The following PATJ variants were observed in gnomAD, a reference collection of about 807,000 sequenced individuals.
PATJ encodes inaD-like protein.
In PATJ, 190 loss-of-function variants were observed where a neutral mutation model predicts 224.9. The ratio of observed to expected loss-of-function variants is 0.84; its 90% CI spans 0.75 to 0.95. PATJ has a LOEUF of 0.95. Ranked by LOEUF, PATJ falls within the 40% of genes least tolerant of loss-of-function variation. The pLI, the probability that PATJ is intolerant of heterozygous loss-of-function variation, is 0.00. For missense variants in PATJ, 2,121 were observed against 2,270.3 expected (o/e 0.93, Z 1.34); for synonymous variants, 769 against 820.3 (o/e 0.94, Z 1.07).
At chr1:61,911,695 T>TTATATATATATATATATATA (rs141530445) in intron 25 of PATJ, among the ~76,000 whole-genome samples, 3 of 140,614 alleles carry the variant, frequency 2.1e-5, no homozygotes, top group African/African-American at 7.8e-5. Context: ...CTATATATTT[T>TTATATATATATATATATATA]TATATATATA....
chr1:61,955,376 C>T (rs1680300055), intron 27 of PATJ, among the ~76,000 whole-genome samples: 1 of 152,090 alleles, frequency 6.6e-6, no homozygotes, highest in African/African-American at 2.4e-5. Flanking sequence ...GAGACACATG[C>T]ACTGGAAGGC....
chr1:62,102,227 A>T (rs1314631288), intron 33 of PATJ, among the ~76,000 whole-genome samples: 1 of 151,644 alleles, frequency 6.6e-6, no homozygotes, highest in Non-Finnish European at 1.5e-5. Flanking sequence ...TTCAAAAGGA[A>T]ATCACTGGTC....
intron 27 of PATJ, among the ~76,000 whole-genome samples, chr1:61,976,958 TAAC>T (rs755146544): frequency 3.9e-5 from 6 of 152,140 alleles, no homozygotes; most frequent in Admixed American, 6.5e-5. Context: ...TTAATTTTCC[TAAC>T]ATCATAATTT....
intron 28 of PATJ, among the ~76,000 whole-genome samples, chr1:62,011,077 T>C (rs1259620539): frequency 6.6e-6 from 1 of 152,240 alleles, no homozygotes; most frequent in African/African-American, 2.4e-5. Flanking sequence ...ATGTTGTGGC[T>C]GATTCCAACT....
At chr1:61,911,493 C>A (rs1321666975) in intron 25 of PATJ, among the ~76,000 whole-genome samples, 1 of 151,886 alleles carries the variant, frequency 6.6e-6, no homozygotes, top group Non-Finnish European at 1.5e-5. Flanking sequence ...CCGCACCTAG[C>A]CACCAATACA....
chr1:61,759,179 T>G (rs1165748927), intron 1 of PATJ, among the ~76,000 whole-genome samples: 1 of 152,208 alleles, frequency 6.6e-6, no homozygotes, highest in Non-Finnish European at 1.5e-5. Context: ...TCATAAACTT[T>G]CTTAAAACAT....
chr1:62,121,164 C>T lies in PATJ; in HGVS notation c.4891-17C>T. On this transcript the variant is annotated splice_polypyrimidine_tract_variant and intron_variant, in intron 37 of 43. Coordinates refer to ENST00000642238, the MANE Select transcript of PATJ (RefSeq NM_001350145.3). ...GTCAGTGTCTGCACACAGGTGACCC[C>T]TGGGTCTTTCTTTCAGGGTAGTCAG... 1.3e-6 allele frequency: 2 copies of T among 1,573,098 alleles called. No individual in the cohort carries two copies. The highest frequency in any genetic ancestry group is 2.2e-5 in the East Asian group (1 of 44,580).
At chr1:61,767,051 C>A (rs1646323880) in intron 4 of PATJ, among the ~76,000 whole-genome samples, 1 of 152,100 alleles carries the variant, frequency 6.6e-6, no homozygotes, top group Non-Finnish European at 1.5e-5. Context: ...CGAGATTGCG[C>A]CACTGTACTC....
intron 30 of PATJ, among the ~76,000 whole-genome samples, chr1:62,039,566 T>G (rs1651074139): frequency 6.6e-6 from 1 of 152,200 alleles, no homozygotes; most frequent in Non-Finnish European, 1.5e-5. Flanking sequence ...TAGTGGGCAG[T>G]GCCTTGGAGA....
chr1:61,961,971 GA>G (rs371746015), intron 27 of PATJ, among the ~76,000 whole-genome samples: 12 of 113,546 alleles, frequency 1.1e-4, no homozygotes, highest in Non-Finnish European at 1.2e-4. Context: ...CTCCGTCTTA[GA>G]AAAAAAAAAA....
At chr1:62,029,460 A>G (rs1558063577) in intron 29 of PATJ, among the ~76,000 whole-genome samples, 1 of 152,222 alleles carries the variant, frequency 6.6e-6, no homozygotes, top group Non-Finnish European at 1.5e-5. Flanking sequence ...AGAGTATCCC[A>G]TATTTATCCT....
intron 12 of PATJ, 23 bp downstream of exon 12, chr1:61,801,792 G>A: frequency 1.3e-6 from 2 of 1,482,112 alleles, no homozygotes; most frequent in South Asian, 1.5e-5. Flanking sequence ...CATTCACTTT[G>A]CGATAACAGA....
chr1:61,889,119 T>C, intron 22 of PATJ, among the ~76,000 whole-genome samples: 1 of 152,228 alleles, frequency 6.6e-6, no homozygotes, highest in East Asian at 1.9e-4. Flanking sequence ...GATGATAGTC[T>C]TTCAGAAAAT....
intron 7 of PATJ, among the ~76,000 whole-genome samples, chr1:61,786,389 T>C (rs1184135937): frequency 6.6e-6 from 1 of 151,398 alleles, no homozygotes; most frequent in Non-Finnish European, 1.5e-5. Flanking sequence ...TTGTTGTTTG[T>C]TTGTTTGACC....
chr1:62,059,936 G>A (rs1338906318), intron 31 of PATJ, among the ~76,000 whole-genome samples: 1 of 152,156 alleles, frequency 6.6e-6, no homozygotes, highest in Non-Finnish European at 1.5e-5. Flanking sequence ...AGCTGACTGG[G>A]TGGCTGGTTG....
intron 33 of PATJ, among the ~76,000 whole-genome samples, chr1:62,106,742 C>T (rs1015320331): frequency 6.6e-6 from 1 of 152,090 alleles, no homozygotes; most frequent in Non-Finnish European, 1.5e-5. Flanking sequence ...GCACTGCCTG[C>T]TCATCATCAA....
At position 62,149,128 on chromosome 1, in the gene PATJ, C is replaced by CAAAAA. The variant is rs773276557; in HGVS notation, c.5378+753_5378+757dup. Among the ~76,000 whole-genome samples, 150 of 60,408 alleles carry CAAAAA rather than the reference C, an allele frequency of 2.5e-3. 1 individual carries two copies. Among genetic ancestry groups the CAAAAA allele is most frequent in the African/African-American group, 7.6e-3 (134 of 17,580 alleles). 39.6% of individuals were successfully genotyped at this position (60,408 alleles called of 152,430 possible). ...GGGCAACAAGAGGGAAACTCCATCT[C>CAAAAA]AAAAAAAAAAAAAAAAAAAGAGGAG... is the stretch of plus-strand genomic sequence containing the variant. On this transcript the variant is annotated intron_variant, in intron 42 of 43. Transcript: ENST00000642238.
intron 28 of PATJ, among the ~76,000 whole-genome samples, chr1:62,015,303 CA>C (rs563927196): frequency 6.1e-4 from 82 of 135,288 alleles, no homozygotes; most frequent in African/African-American, 1.3e-3. Flanking sequence ...GACTCTGTCT[CA>C]AAAAAAAAAA....
At chr1:61,862,190 AG>A (rs1335787648) in intron 19 of PATJ, among the ~76,000 whole-genome samples, 1 of 150,978 alleles carries the variant, frequency 6.6e-6, no homozygotes. Flanking sequence ...ATATATATAT[AG>A]TTGTTGTTGT....
Sources: gnomAD v4.1 joint callset for allele counts (sites outside exome capture counted in the v4.1 genomes callset) on GRCh38, gnomAD v4.1.1 for gene constraint, MANE v1.5 for transcripts, NCBI Gene and HGNC (gene_info 2026-07-23, HGNC 2026-07-21) for gene names.